The following ZCCHC7 variants were observed in gnomAD, a reference collection of about 807,000 sequenced individuals.
ZCCHC7 encodes the protein zinc finger CCHC-type containing 7.
In ZCCHC7, 35 loss-of-function variants were observed where a neutral mutation model predicts 52.0. The observed-to-expected ratio is 0.67, with a 90% CI of 0.51 to 0.89. The LOEUF (loss-of-function observed/expected upper bound fraction) is 0.89. Among genes scored for constraint, ZCCHC7 ranks in the 40% least tolerant of loss-of-function variants. The pLI, the probability that ZCCHC7 is intolerant of heterozygous loss-of-function variation, is 0.00. For missense variants in ZCCHC7, 574 were observed against 649.1 expected, an observed-to-expected ratio of 0.88 and a Z score of 1.26; for synonymous variants, 217 against 221.5, an observed-to-expected ratio of 0.98 and a Z score of 0.18.
chr9:37,302,245 GT>G lies in ZCCHC7; in HGVS notation c.654+19del, dbSNP rs1829066871. 1.3e-6 allele frequency: 2 copies of G among 1,590,296 alleles called. No individual in the cohort carries two copies. The highest frequency in any genetic ancestry group is 1.1e-5 in the South Asian group (1 of 89,424). The stretch of plus-strand genomic sequence containing the variant: ...AAAGACATTGAGGTAAAATCAAATT[GT>G]TTTTAAAATTCAGAATAATAATTTC... On this transcript the variant is annotated intron_variant, in intron 3 of 8. Transcript: ENST00000336755.
At chr9:37,242,586 A>G (rs188474504) in intron 2 of ZCCHC7, among the ~76,000 whole-genome samples, 1 of 151,876 alleles carries the variant, frequency 6.6e-6, no homozygotes, top group East Asian at 1.9e-4. Context: ...CTATGTAGAT[A>G]GTGCTTTTGA....
At chr9:37,122,124 G>A (rs1842343124) in intron 1 of ZCCHC7, among the ~76,000 whole-genome samples, 1 of 152,190 alleles carries the variant, frequency 6.6e-6, no homozygotes, top group South Asian at 2.1e-4. Context: ...AACATCTAGG[G>A]AGGCTAAAGA....
intron 2 of ZCCHC7, among the ~76,000 whole-genome samples, chr9:37,252,970 TCA>T (rs1826402567): frequency 6.6e-6 from 1 of 152,098 alleles, no homozygotes; most frequent in Admixed American, 6.5e-5. Context: ...TTGAAAAATC[TCA>T]AATTTATGTT....
At chr9:37,166,585 A>G (rs1821435721) in intron 2 of ZCCHC7, among the ~76,000 whole-genome samples, 1 of 151,828 alleles carries the variant, frequency 6.6e-6, no homozygotes, top group Non-Finnish European at 1.5e-5. Context: ...TTTAAAAATT[A>G]CATTCTTTTT....
intron 2 of ZCCHC7, among the ~76,000 whole-genome samples, chr9:37,258,757 T>TAAAAAAAAAAAAAA (rs5897683): frequency 2.7e-4 from 15 of 55,364 alleles, no homozygotes; most frequent in African/African-American, 1.3e-3. Flanking sequence ...TCCTGTCTCT[T>TAAAAAAAAAAAAAA]AAAAAAAAAA....
intron 6 of ZCCHC7, among the ~76,000 whole-genome samples, chr9:37,338,431 C>T (rs987208383): frequency 2.0e-5 from 3 of 152,122 alleles, no homozygotes; most frequent in Non-Finnish European, 4.4e-5. Flanking sequence ...CTCTTGACTA[C>T]ATAAAATGAA....
At chr9:37,291,758 A>G (rs1396385581) in intron 2 of ZCCHC7, among the ~76,000 whole-genome samples, 1 of 152,022 alleles carries the variant, frequency 6.6e-6, no homozygotes, top group Non-Finnish European at 1.5e-5. Flanking sequence ...CAATGGTGCA[A>G]TCTTGGCTCA....
intron 4 of ZCCHC7, 104 bp from the exon 5 acceptor site, chr9:37,305,440 A>G: frequency 1.5e-6 from 2 of 1,328,916 alleles, no homozygotes; most frequent in South Asian, 2.8e-5. Context: ...CTTTATTGGG[A>G]TCTCAAATTA....
intron 2 of ZCCHC7, among the ~76,000 whole-genome samples, chr9:37,254,216 CTG>C (rs962661779): frequency 2.0e-5 from 3 of 151,912 alleles, no homozygotes; most frequent in Non-Finnish European, 2.9e-5. Context: ...GTTTTTTAAT[CTG>C]AACAATATTC....
At chr9:37,144,898 C>T (rs1048532049) in intron 2 of ZCCHC7, 1 of 152,002 alleles carries the variant, frequency 6.6e-6, no homozygotes, top group African/African-American at 2.4e-5. Flanking sequence ...CCTCAGAAGA[C>T]TCAAAGGAAT....
At chr9:37,164,019 ACTATACT>A (rs1481372657) in intron 2 of ZCCHC7, among the ~76,000 whole-genome samples, 9 of 151,626 alleles carry the variant, frequency 5.9e-5, no homozygotes, top group African/African-American at 1.9e-4. Context: ...TGATGCCTAT[ACTATACT>A]CTGTTGATTC....
chr9:37,316,089 ACTGGAGTGCAGTGGCG>A (rs539220932), intron 5 of ZCCHC7, among the ~76,000 whole-genome samples: 7 of 151,446 alleles, frequency 4.6e-5, no homozygotes, highest in South Asian at 2.1e-4. Flanking sequence ...CTGTTGCCAG[ACTGGAGTGCAGTGGCG>A]CTGGAGTGCA....
upstream of ZCCHC7, among the ~76,000 whole-genome samples, chr9:37,120,221 G>C (rs772412937): frequency 2.6e-5 from 4 of 152,314 alleles, no homozygotes; most frequent in Admixed American, 6.5e-5. Flanking sequence ...AACCTCGCCC[G>C]TGTCCTCATG....
chr9:37,225,549 T>G (rs910573037), intron 2 of ZCCHC7, among the ~76,000 whole-genome samples: 2 of 152,086 alleles, frequency 1.3e-5, no homozygotes, highest in African/African-American at 4.8e-5. Flanking sequence ...TAACAAAATA[T>G]TAGGAAATGA....
chr9:37,180,646 A>G (rs1030039944), intron 2 of ZCCHC7, among the ~76,000 whole-genome samples: 5 of 152,172 alleles, frequency 3.3e-5, no homozygotes, highest in Admixed American at 1.3e-4. Context: ...TAAAGCAAAC[A>G]TAAATATTGG....
At chr9:37,326,728 A>G (rs1220767033) in intron 5 of ZCCHC7, among the ~76,000 whole-genome samples, 1 of 152,016 alleles carries the variant, frequency 6.6e-6, no homozygotes, top group Non-Finnish European at 1.5e-5. Flanking sequence ...TAGTCTTATC[A>G]ATACTTTGAA....
chr9:37,126,371 AGAT>A lies in ZCCHC7; in HGVS notation c.43_45del (p.Asp15del). ...GCTATGAGACTATAGAAGCATACGA[AGAT>A]GATCTTTATCGAGATGAGTCATCTA... is the stretch of plus-strand genomic sequence containing the variant. On this transcript the variant is annotated inframe_deletion, in exon 2 of 9. Coordinates refer to ENST00000336755, the MANE Select transcript of ZCCHC7 (RefSeq NM_032226.3). 2 of 1,614,062 alleles carry A rather than the reference AGAT, an allele frequency of 1.2e-6. No individual in the cohort carries two copies. Among genetic ancestry groups the A allele is most frequent in the African/African-American group, 2.7e-5 (2 of 75,048 alleles).
chr9:37,148,197 A>G (rs1304451581), intron 2 of ZCCHC7, among the ~76,000 whole-genome samples: 1 of 152,134 alleles, frequency 6.6e-6, no homozygotes, highest in Admixed American at 6.6e-5. Flanking sequence ...TTTGATATGT[A>G]TTCATTTAGC....
intron 2 of ZCCHC7, among the ~76,000 whole-genome samples, chr9:37,223,831 A>G (rs142212601): frequency 6.6e-6 from 1 of 152,226 alleles, no homozygotes; most frequent in Non-Finnish European, 1.5e-5. Context: ...ATTGACAGTG[A>G]CTGAACAAAT....
Sources: allele counts gnomAD v4.1 joint callset (sites outside exome capture counted in the v4.1 genomes callset), GRCh38; gene constraint gnomAD v4.1.1; transcripts MANE v1.5; gene names NCBI Gene and HGNC (gene_info 2026-07-23, HGNC 2026-07-21).